Variants in ANKRD12 observed in about 807,000 individuals in gnomAD.
The protein encoded by ANKRD12 is ankyrin repeat domain 12.
A neutral mutation model predicts 183.4 loss-of-function variants in ANKRD12; 85 were observed. The observed-to-expected ratio is 0.46, with a 90% CI of 0.39 to 0.56. The LOEUF is 0.56. ANKRD12 is among the 20% of genes least tolerant of loss of function. The pLI is 0.00. For synonymous variants in ANKRD12, 914 were observed against 800.2 expected, an observed-to-expected ratio of 1.14 and a Z score of -2.40; for missense variants, 2,405 against 2,357.1, an observed-to-expected ratio of 1.02 and a Z score of -0.42.
intron 1 of ANKRD12, among the ~76,000 whole-genome samples, chr18:9,143,843 A>C (rs575904853): frequency 6.6e-6 from 1 of 152,246 alleles, no homozygotes; most frequent in African/African-American, 2.4e-5. Flanking sequence ...ATTTGTCCTC[A>C]TGTTATTGAA....
Position 9,195,532 on chromosome 18 carries a change from C to G in ANKRD12, c.88-19C>G. ...TAGCTAATATTGATATAACTTTACT[C>G]TATTTGACTTTTTAATAGAGTAAAG... On this transcript the variant is annotated intron_variant, in intron 2 of 12. Coordinates refer to ENST00000262126, the MANE Select transcript of ANKRD12 (RefSeq NM_015208.5). 6.4e-7 allele frequency: 1 copy of G among 1,565,970 alleles called. No individual in the cohort carries two copies. Among genetic ancestry groups the G allele is most frequent in the Non-Finnish European group, 8.7e-7 (1 of 1,154,282 alleles).
chr18:9,164,195 T>A (rs1598427178), intron 1 of ANKRD12, among the ~76,000 whole-genome samples: 1 of 152,308 alleles, frequency 6.6e-6, no homozygotes, highest in East Asian at 1.9e-4. Context: ...GGTATGTTCC[T>A]TCAGTCCCTA....
At chr18:9,146,412 G>C (rs951587950) in intron 1 of ANKRD12, among the ~76,000 whole-genome samples, 3 of 152,150 alleles carry the variant, frequency 2.0e-5, no homozygotes, top group African/African-American at 7.2e-5. Flanking sequence ...GCTGGGCACA[G>C]TGGCACACAC....
intron 8 of ANKRD12, among the ~76,000 whole-genome samples, chr18:9,251,185 C>G (rs1000026401): frequency 1.3e-5 from 2 of 152,022 alleles, no homozygotes; most frequent in South Asian, 4.1e-4. Flanking sequence ...GTGTCAACAC[C>G]TCTCTGCCTA....
At chr18:9,168,878 C>T (rs2032376000) in intron 1 of ANKRD12, among the ~76,000 whole-genome samples, 1 of 152,114 alleles carries the variant, frequency 6.6e-6, no homozygotes, top group African/African-American at 2.4e-5. Context: ...TTTCCCTCTA[C>T]ACACTGCTTT....
intron 5 of ANKRD12, 68 bp from the exon 6 acceptor site, chr18:9,211,515 TA>T: frequency 7.2e-7 from 1 of 1,394,226 alleles, no homozygotes; most frequent in African/African-American, 1.5e-5. Flanking sequence ...ATATTACCAA[TA>T]AAAACATTTA....
At chr18:9,192,022 C>G (rs943529744) in intron 2 of ANKRD12, among the ~76,000 whole-genome samples, 4 of 152,212 alleles carry the variant, frequency 2.6e-5, no homozygotes, top group Admixed American at 2.6e-4. Context: ...TACCTCTTGA[C>G]CAACCACCCT....
At chr18:9,186,180 G>T (rs371417322) in intron 2 of ANKRD12, among the ~76,000 whole-genome samples, 3 of 138,800 alleles carry the variant, frequency 2.2e-5, no homozygotes, top group Non-Finnish European at 4.6e-5. Context: ...TCGCTCTGTC[G>T]CCCAGGCTGG....
intron 8 of ANKRD12, among the ~76,000 whole-genome samples, chr18:9,230,038 A>G (rs1324808692): frequency 6.6e-6 from 1 of 152,040 alleles, no homozygotes; most frequent in Non-Finnish European, 1.5e-5. Context: ...TTGCAAGAAG[A>G]TTGGTGTTAG....
Position 9,258,537 on chromosome 18 carries a change from T to C in ANKRD12, c.5270T>C (p.Leu1757Ser). 1 of 1,613,814 alleles carries C rather than the reference T, an allele frequency of 6.2e-7. No homozygotes were observed. Among genetic ancestry groups the C allele is most frequent in the Non-Finnish European group, 8.5e-7 (1 of 1,179,934 alleles). The part of the protein sequence containing the change: ...SKQILASCTL[L>S]SEKDSESSSP... Reference sequence around the variant, plus strand: ...CAGATTCTTGCTAGCTGTACACTATTATCAGAAAAAGACAGTGAATCCTCA... The same window carrying C: ...CAGATTCTTGCTAGCTGTACACTATCATCAGAAAAAGACAGTGAATCCTCA... Residue 1757 changes from leucine to serine, a missense_variant, in exon 9 of 13, where the codon TTA becomes TCA. Physicochemically the swap from Leu to Ser is moderately radical, Grantham distance 145. Transcript: ENST00000262126.
chr18:9,236,959 A>G (rs1288092569), intron 8 of ANKRD12, among the ~76,000 whole-genome samples: 2 of 152,196 alleles, frequency 1.3e-5, no homozygotes, highest in African/African-American at 4.8e-5. Flanking sequence ...GCAACATAAG[A>G]ATCCTGTACC....
intron 2 of ANKRD12, among the ~76,000 whole-genome samples, chr18:9,188,715 T>C (rs955524116): frequency 6.6e-6 from 1 of 152,248 alleles, no homozygotes; most frequent in Non-Finnish European, 1.5e-5. Context: ...TTGATAATTT[T>C]CATATTTCCA....
chr18:9,247,622 T>G (rs1164481874), intron 8 of ANKRD12, among the ~76,000 whole-genome samples: 4 of 152,220 alleles, frequency 2.6e-5, no homozygotes, highest in Admixed American at 2.0e-4. Flanking sequence ...TAAAAATCTT[T>G]ATTGGTTAAT....
chr18:9,236,126 G>A (rs2037332275), intron 8 of ANKRD12, among the ~76,000 whole-genome samples: 1 of 152,092 alleles, frequency 6.6e-6, no homozygotes, highest in Non-Finnish European at 1.5e-5. Flanking sequence ...AACTAACTTA[G>A]GAAGAGGAGA....
intron 9 of ANKRD12, among the ~76,000 whole-genome samples, chr18:9,262,268 T>A (rs1432433889): frequency 1.3e-5 from 2 of 152,212 alleles, no homozygotes; most frequent in Admixed American, 1.3e-4. Context: ...TCATGTGGAA[T>A]TGACTGTTAA....
chr18:9,137,335 T>C (rs1388424437), intron 1 of ANKRD12, among the ~76,000 whole-genome samples: 1 of 146,416 alleles, frequency 6.8e-6, no homozygotes, highest in Non-Finnish European at 1.5e-5. Context: ...GGCCGCGAGC[T>C]GGCCTCGTCG....
chr18:9,162,853 GTGTC>G (rs886659737), intron 1 of ANKRD12, among the ~76,000 whole-genome samples: 6 of 152,010 alleles, frequency 3.9e-5, no homozygotes, highest in African/African-American at 9.7e-5. Context: ...TTCTCGAAAA[GTGTC>G]TGTTCATGTT....
chr18:9,217,539 A>C (rs8089693), intron 7 of ANKRD12, among the ~76,000 whole-genome samples: 104,478 of 152,006 alleles, frequency 0.69, 36,357 homozygotes, highest in Middle Eastern at 0.81. Flanking sequence ...AAATTCAGAA[A>C]TTAAAAATGC....
chr18:9,197,610 C>G (rs1457022490), intron 3 of ANKRD12, among the ~76,000 whole-genome samples: 1 of 152,072 alleles, frequency 6.6e-6, no homozygotes, highest in African/African-American at 2.4e-5. Context: ...TTACTGTTAC[C>G]TGAGATGACG....
Sources: gnomAD v4.1 joint callset for allele counts (sites outside exome capture counted in the v4.1 genomes callset) on GRCh38, gnomAD v4.1.1 for gene constraint, MANE v1.5 for transcripts, NCBI Gene and HGNC (gene_info 2026-07-23, HGNC 2026-07-21) for gene names.